PALD1: variants seen among roughly 807,000 people sequenced by gnomAD.
PALD1 encodes paladin.
In PALD1, 57 loss-of-function variants were observed where a neutral mutation model predicts 96.0. The observed-to-expected ratio is 0.59, with a 90% CI of 0.48 to 0.74. The LOEUF is 0.74. PALD1 is among the 30% of genes least tolerant of loss of function. The pLI, the probability that PALD1 is intolerant of heterozygous loss-of-function variation, is 0.00. For missense variants in PALD1, 1,063 were observed against 1,143.7 expected, an observed-to-expected ratio of 0.93 and a Z score of 1.02; for synonymous variants, 464 against 473.6, an observed-to-expected ratio of 0.98 and a Z score of 0.26.
the PALD1 span, among the ~76,000 whole-genome samples, chr10:70,466,784 G>A: frequency 6.6e-6 from 1 of 152,166 alleles, no homozygotes; most frequent in Non-Finnish European, 1.5e-5. Context: ...TGGGGAGAAG[G>A]GGCAGGAATT....
chr10:70,526,305 G>T (rs1195349529), intron 2 of PALD1, among the ~76,000 whole-genome samples, 169 bp downstream of exon 2: 1 of 152,200 alleles, frequency 6.6e-6, no homozygotes, highest in Non-Finnish European at 1.5e-5. Flanking sequence ...GAGTCACACT[G>T]CATGCACCTG....
At chr10:70,467,208 G>A in the PALD1 span, among the ~76,000 whole-genome samples, 1 of 152,126 alleles carries the variant, frequency 6.6e-6, no homozygotes, top group Non-Finnish European at 1.5e-5. Flanking sequence ...ACCCCCTTGG[G>A]AAAGAGGCCC....
In PALD1 at chr10:70,479,004, G is replaced by A. The variant is rs1014272970; in HGVS notation, c.-85G>A. 3 of 152,164 alleles carry A rather than the reference G, an allele frequency of 2.0e-5. No individual in the cohort carries two copies. The highest frequency in any genetic ancestry group is 7.2e-5 in the African/African-American group (3 of 41,446). 9.4% of individuals were successfully genotyped at this position (152,164 alleles called of 1,614,324 possible). ...TGCCTGACTCGGCGCCCGCAGTTCG[G>A]GCGCAGCACGCCGGCCGCAGGAGCA... On this transcript the variant is annotated 5_prime_UTR_variant, in exon 1 of 20. Transcript: ENST00000263563.
intron 1 of PALD1, among the ~76,000 whole-genome samples, chr10:70,497,935 A>T (rs1030316672): frequency 2.0e-5 from 3 of 152,222 alleles, no homozygotes; most frequent in African/African-American, 7.2e-5. Flanking sequence ...TATACGTAAC[A>T]TAAAATTTAC....
chr10:70,510,240 C>A (rs1846485003), intron 1 of PALD1, among the ~76,000 whole-genome samples: 1 of 151,878 alleles, frequency 6.6e-6, no homozygotes, highest in Non-Finnish European at 1.5e-5. Flanking sequence ...TGAAATGATG[C>A]TTTAGGTACC....
intron 2 of PALD1, among the ~76,000 whole-genome samples, 176 bp from the exon 3 acceptor site, chr10:70,529,053 G>T (rs976191010): frequency 3.9e-5 from 6 of 152,074 alleles, no homozygotes; most frequent in African/African-American, 1.4e-4. Flanking sequence ...CACAGCCCTG[G>T]GGCTGTCGTG....
intron 1 of PALD1, among the ~76,000 whole-genome samples, chr10:70,505,491 C>T (rs1440578481): frequency 6.6e-6 from 1 of 151,934 alleles, no homozygotes; most frequent in Non-Finnish European, 1.5e-5. Flanking sequence ...ATAATTTCAC[C>T]TACTCGGAAG....
Position 70,534,481 on chromosome 10 carries a change from G to T in PALD1, c.1079G>T (p.Ser360Ile). The T allele has an allele frequency of 6.2e-7, 1 of 1,613,260 alleles. No homozygotes were observed. Among genetic ancestry groups the T allele is most frequent in the Non-Finnish European group, 8.5e-7 (1 of 1,179,716 alleles). ...LPMEQFQVIQ[S>I]FLRMVPQGRR... The stretch of plus-strand genomic sequence containing the variant: ...ATGGAGCAGTTCCAGGTGATCCAGA[G>T]CTTTCTCCGCATGGTGCCCCAGGGA... Residue 360 changes from serine (S) to isoleucine (I), a missense_variant, in exon 9 of 20, where the codon AGC becomes ATC. Transcript: ENST00000263563.
chr10:70,534,384 C>A lies in PALD1; in HGVS notation c.1023-41C>A, dbSNP rs370145210. 5 of 1,431,712 alleles carry A rather than the reference C, an allele frequency of 3.5e-6. No homozygotes were observed. The African/African-American group carries it at 5.6e-5, about 16-fold the overall frequency. 88.7% of individuals were successfully genotyped at this position (1,431,712 alleles called of 1,614,324 possible). A position where few individuals can be genotyped will look rare whatever the true frequency, so the allele number is the denominator to read the frequency against. ...CAGCAGGCGGGTGGCCGTGTGAGAC[C>A]TTTGGAAGAGCCTGCTAATGTACTG... On this transcript the variant is annotated intron_variant, in intron 8 of 19. Transcript: ENST00000263563.
At chr10:70,553,333 A>C (rs2132426812) in intron 18 of PALD1, among the ~76,000 whole-genome samples, 1 of 152,258 alleles carries the variant, frequency 6.6e-6, no homozygotes, top group South Asian at 2.1e-4. Flanking sequence ...AAATGAGGGA[A>C]AGATGTTGGC....
chr10:70,480,858 T>G (rs11818000), intron 1 of PALD1, among the ~76,000 whole-genome samples: 119,507 of 152,210 alleles, frequency 0.79, 48,161 homozygotes, highest in East Asian at 0.94. Flanking sequence ...CAGGTTTACA[T>G]CTGTGTGGGC....
intron 1 of PALD1, among the ~76,000 whole-genome samples, chr10:70,522,572 A>G (rs1201806965): frequency 6.6e-6 from 1 of 152,216 alleles, no homozygotes; most frequent in African/African-American, 2.4e-5. Context: ...GCACTGCCTC[A>G]CACTCCATTG....
At chr10:70,559,544 G>T (rs144135929) in intron 18 of PALD1, among the ~76,000 whole-genome samples, 124 of 152,310 alleles carry the variant, frequency 8.1e-4, no homozygotes, top group African/African-American at 2.6e-3. Context: ...GCCAGCCAGG[G>T]GCTGTCGCTG....
chr10:70,480,910 A>C (rs542591077), intron 1 of PALD1, among the ~76,000 whole-genome samples: 2 of 152,342 alleles, frequency 1.3e-5, no homozygotes, highest in African/African-American at 4.8e-5. Context: ...TTGAGGACAG[A>C]CACAGGAGGA....
At chr10:70,531,595 G>A in intron 5 of PALD1, 141 bp downstream of exon 5, 1 of 759,888 alleles carries the variant, frequency 1.3e-6, no homozygotes. Context: ...CTGGCTGCAA[G>A]GCTGACTCAC....
At chr10:70,484,033 C>T (rs765363691) in intron 1 of PALD1, among the ~76,000 whole-genome samples, 1 of 152,150 alleles carries the variant, frequency 6.6e-6, no homozygotes, top group African/African-American at 2.4e-5. Flanking sequence ...GATGGAGTCT[C>T]ACTCTGTTGC....
intron 1 of PALD1, among the ~76,000 whole-genome samples, chr10:70,503,689 C>G (rs1846337259): frequency 6.6e-6 from 1 of 152,120 alleles, no homozygotes; most frequent in Admixed American, 6.5e-5. Context: ...TATTTTTATC[C>G]AGTTTGTCAT....
At chr10:70,487,664 A>G (rs1846035306) in intron 1 of PALD1, among the ~76,000 whole-genome samples, 1 of 151,882 alleles carries the variant, frequency 6.6e-6, no homozygotes, top group African/African-American at 2.4e-5. Flanking sequence ...GTTACTCACC[A>G]TTCCCTTCTC....
At chr10:70,459,143 C>T in the PALD1 span, among the ~76,000 whole-genome samples, 1 of 151,880 alleles carries the variant, frequency 6.6e-6, no homozygotes, top group African/African-American at 2.4e-5. Context: ...GCCACTGCCA[C>T]CGTTTGTCCA....
Sources: gnomAD v4.1 joint callset for allele counts (sites outside exome capture counted in the v4.1 genomes callset) on GRCh38, gnomAD v4.1.1 for gene constraint, MANE v1.5 for transcripts, NCBI Gene and HGNC (gene_info 2026-07-23, HGNC 2026-07-21) for gene names.